Variants in PSMD5 observed in about 807,000 individuals in gnomAD.
PSMD5 encodes the protein 26S proteasome non-ATPase regulatory subunit 5.
A neutral mutation model predicts 52.1 loss-of-function variants in PSMD5; 40 were observed. That is an observed-to-expected ratio of 0.77 (90% confidence interval 0.60 to 1.00). The LOEUF (loss-of-function observed/expected upper bound fraction) is 1.00. Ranked by LOEUF, PSMD5 falls within the 50% of genes least tolerant of loss-of-function variation. The probability of loss-of-function intolerance (pLI) is 0.00; values close to 1 mark genes in which losing one functional copy is unlikely to be tolerated. For synonymous variants in PSMD5, 211 were observed against 226.6 expected, an observed-to-expected ratio of 0.93 and a Z score of 0.62; for missense variants, 575 against 605.2, an observed-to-expected ratio of 0.95 and a Z score of 0.52.
At position 120,819,011 on chromosome 9, in the gene PSMD5, C is replaced by T. The variant is rs188842572; in HGVS notation, c.1258-848G>A. On this transcript the variant is annotated intron_variant, in intron 9 of 9. Transcript: ENST00000210313. ...ATACAACTATATTTGAAATATTTCA[C>T]CAAAAATAAACACACACTAATACAA... is the stretch of plus-strand genomic sequence containing the variant. Among the ~76,000 whole-genome samples, 1,032 of 152,134 alleles carry T rather than the reference C, an allele frequency of 6.8e-3. 24 individuals are homozygous for T. The highest frequency in any genetic ancestry group is 4.4e-3 in the Non-Finnish European group (300 of 67,990).
chr9:120,833,928 G>A (rs567230363), intron 1 of PSMD5, among the ~76,000 whole-genome samples: 3 of 150,040 alleles, frequency 2.0e-5, no homozygotes, highest in South Asian at 2.1e-4. Context: ...CACCTGCCTC[G>A]GCCTCCCAAA....
chr9:120,824,728 C>A, intron 6 of PSMD5, 43 bp from the exon 7 acceptor site: 1 of 1,500,618 alleles, frequency 6.7e-7, no homozygotes, highest in Non-Finnish European at 9.0e-7. Context: ...GGGAACAAGA[C>A]AGCATGAATT....
intron 7 of PSMD5, chr9:120,824,138 G>C: frequency 7.4e-6 from 1 of 135,094 alleles, no homozygotes; most frequent in South Asian, 2.0e-4. Context: ...AAAAAGAATA[G>C]AAAACCCAAG....
chr9:120,836,166 C>T (rs1043065173), intron 1 of PSMD5, among the ~76,000 whole-genome samples: 1 of 152,076 alleles, frequency 6.6e-6, no homozygotes, highest in Non-Finnish European at 1.5e-5. Context: ...TCAGAATTTC[C>T]TTTCTTTTTG....
In PSMD5 at chr9:120,820,714, A is replaced by G. The variant is rs190224775; in HGVS notation, c.1257+125T>C. 2.2e-5 allele frequency: 20 copies of G among 895,868 alleles called. No individual in the cohort carries two copies. The East Asian group carries it at 5.6e-4, about 25-fold the overall frequency. 55.5% of individuals were successfully genotyped at this position (895,868 alleles called of 1,614,324 possible). A position where few individuals can be genotyped will look rare whatever the true frequency, so the allele number is the denominator to read the frequency against. On this transcript the variant is annotated intron_variant, in intron 9 of 9. Transcript: ENST00000210313. The stretch of plus-strand genomic sequence containing the variant: ...CTCCTTACTTAGTCTCTAAGGTAGC[A>G]GAAGGTAGAAACTATACTATGCACT...
chr9:120,819,363 C>A (rs1222905305), intron 9 of PSMD5, among the ~76,000 whole-genome samples: 3 of 152,064 alleles, frequency 2.0e-5, no homozygotes, highest in Non-Finnish European at 4.4e-5. Context: ...TGAAAGTAGG[C>A]AGAAATAAAA....
At chr9:120,828,171 T>C (rs985941748) in intron 5 of PSMD5, among the ~76,000 whole-genome samples, 1 of 152,150 alleles carries the variant, frequency 6.6e-6, no homozygotes, top group African/African-American at 2.4e-5. Context: ...TAATTTTTTG[T>C]ATTTTTTTAG....
At chr9:120,840,942 C>T (rs565415022) in intron 1 of PSMD5, among the ~76,000 whole-genome samples, 4 of 151,290 alleles carry the variant, frequency 2.6e-5, no homozygotes, top group East Asian at 4.0e-4. Flanking sequence ...TTAGTAGAGA[C>T]GGAGTTTCAC....
chr9:120,824,448 C>A, intron 7 of PSMD5, 46 bp downstream of exon 7: 5 of 1,582,752 alleles, frequency 3.2e-6, no homozygotes, highest in Non-Finnish European at 4.3e-6. Context: ...TATTGAACCC[C>A]TGTCAAAGAT....
At chr9:120,830,014 G>A (rs1250079938) in intron 4 of PSMD5, among the ~76,000 whole-genome samples, 1 of 152,208 alleles carries the variant, frequency 6.6e-6, no homozygotes, top group Admixed American at 6.5e-5. Context: ...ATGGATGAGT[G>A]GAGACCAGTT....
At chr9:120,836,712 G>A (rs1023100446) in intron 1 of PSMD5, among the ~76,000 whole-genome samples, 2 of 151,778 alleles carry the variant, frequency 1.3e-5, no homozygotes, top group Admixed American at 6.6e-5. Flanking sequence ...TGTACTTCTT[G>A]TTCAAATCTT....
chr9:120,826,998 C>A, intron 5 of PSMD5, 91 bp from the exon 6 acceptor site: 3 of 1,276,488 alleles, frequency 2.4e-6, no homozygotes, highest in South Asian at 1.7e-5. Flanking sequence ...TTATTTAATT[C>A]TTCTTATCAC....
chr9:120,831,952 G>A lies in PSMD5; in HGVS notation c.319-7C>T. 1 of 1,610,360 alleles carries A rather than the reference G, an allele frequency of 6.2e-7. No homozygotes were observed. Among genetic ancestry groups the A allele is most frequent in the Non-Finnish European group, 8.5e-7 (1 of 1,178,950 alleles). On this transcript the variant is annotated splice_polypyrimidine_tract_variant and splice_region_variant and intron_variant, in intron 2 of 9. Coordinates refer to ENST00000210313, the MANE Select transcript of PSMD5 (RefSeq NM_005047.4). The stretch of plus-strand genomic sequence containing the variant: ...TTTCAACAATTCTTCCAATCTGAAA[G>A]AAAAACAATCAGAAACACTCTTCTA...
chr9:120,839,285 A>G (rs2045217628), intron 1 of PSMD5, among the ~76,000 whole-genome samples: 1 of 152,224 alleles, frequency 6.6e-6, no homozygotes, highest in African/African-American at 2.4e-5. Flanking sequence ...AAAGGGCCCA[A>G]ATGGCATTCT....
chr9:120,829,642 C>T (rs868431626), intron 4 of PSMD5, among the ~76,000 whole-genome samples: 4 of 152,176 alleles, frequency 2.6e-5, no homozygotes, highest in African/African-American at 7.2e-5. Flanking sequence ...GTGATCTGCC[C>T]GCCCTGGCCT....
chr9:120,829,005 CAA>C, intron 5 of PSMD5, 92 bp downstream of exon 5: 1 of 1,346,274 alleles, frequency 7.4e-7, no homozygotes, highest in African/African-American at 1.5e-5. Flanking sequence ...GCAACCTGGG[CAA>C]AGTCTCTAAT....
At chr9:120,821,846 C>CA (rs1337823595) in intron 7 of PSMD5, among the ~76,000 whole-genome samples, 3 of 152,202 alleles carry the variant, frequency 2.0e-5, no homozygotes, top group Non-Finnish European at 4.4e-5. Flanking sequence ...GCCAGAATCT[C>CA]ATTCTTTTTA....
intron 9 of PSMD5, among the ~76,000 whole-genome samples, chr9:120,818,648 A>C (rs901449049): frequency 6.6e-6 from 1 of 152,136 alleles, no homozygotes; most frequent in Non-Finnish European, 1.5e-5. Flanking sequence ...ATACTATCTA[A>C]ATCTTCATTT....
intron 1 of PSMD5, among the ~76,000 whole-genome samples, chr9:120,834,605 GA>G (rs1454553282): frequency 2.0e-5 from 3 of 152,198 alleles, no homozygotes; most frequent in African/African-American, 7.2e-5. Flanking sequence ...GAGGTGGTGA[GA>G]AGGTAAAAGG....
Sources: allele counts gnomAD v4.1 joint callset (sites outside exome capture counted in the v4.1 genomes callset), GRCh38; gene constraint gnomAD v4.1.1; transcripts MANE v1.5; gene names NCBI Gene and HGNC (gene_info 2026-07-23, HGNC 2026-07-21).